Variants in ASAP1 observed in about 807,000 individuals in gnomAD.
ASAP1 encodes the protein ArfGAP with SH3 domain, ankyrin repeat and PH domain 1.
ASAP1 carries 43 observed loss-of-function variants against 145.2 expected under a neutral mutation model. The ratio of observed to expected loss-of-function variants is 0.30; its 90% CI spans 0.23 to 0.38. The LOEUF (loss-of-function observed/expected upper bound fraction) is 0.38. ASAP1 is among the 10% of genes least tolerant of loss of function. ASAP1 has a pLI of 1.00. For missense variants in ASAP1, 1,018 were observed against 1,355.3 expected (o/e 0.75, Z 3.91); for synonymous variants, 546 against 515.5 (o/e 1.06, Z -0.80).
intron 3 of ASAP1, among the ~76,000 whole-genome samples, chr8:130,293,902 G>A (rs985794073): frequency 6.6e-6 from 1 of 152,202 alleles, no homozygotes; most frequent in Non-Finnish European, 1.5e-5. Context: ...CCTGGCTGCT[G>A]AGGGAGCAAC....
intron 3 of ASAP1, among the ~76,000 whole-genome samples, chr8:130,352,419 G>C (rs1826055848): frequency 6.6e-6 from 1 of 152,140 alleles, no homozygotes; most frequent in Non-Finnish European, 1.5e-5. Flanking sequence ...CTATGCGTAA[G>C]ATTTCACAGA....
intron 4 of ASAP1, among the ~76,000 whole-genome samples, chr8:130,217,298 T>C (rs1816987699): frequency 6.6e-6 from 1 of 152,154 alleles, no homozygotes; most frequent in Non-Finnish European, 1.5e-5. Context: ...ATCAAAGTCA[T>C]ATCTTTTTTT....
chr8:130,076,988 T>C (rs560592119), intron 26 of ASAP1, among the ~76,000 whole-genome samples: 13 of 152,192 alleles, frequency 8.5e-5, no homozygotes, highest in Non-Finnish European at 1.8e-4. Flanking sequence ...GTGACCCCAA[T>C]GTAGTGCACA....
intron 2 of ASAP1, among the ~76,000 whole-genome samples, chr8:130,386,036 G>A (rs763136155): frequency 5.8e-4 from 88 of 152,248 alleles, no homozygotes; most frequent in South Asian, 1.2e-3. Flanking sequence ...TAGACCAACG[G>A]GAATCAATCC....
At chr8:130,166,314 C>A (rs1041701341) in intron 11 of ASAP1, among the ~76,000 whole-genome samples, 1 of 152,160 alleles carries the variant, frequency 6.6e-6, no homozygotes, top group Non-Finnish European at 1.5e-5. Flanking sequence ...TAAATTTAAC[C>A]CATAATTTCA....
chr8:130,238,825 A>T (rs975812556), intron 3 of ASAP1, among the ~76,000 whole-genome samples: 2 of 152,002 alleles, frequency 1.3e-5, no homozygotes, highest in African/African-American at 4.8e-5. Flanking sequence ...ATATCTACCA[A>T]ATCCCAAAGT....
intron 2 of ASAP1, among the ~76,000 whole-genome samples, chr8:130,397,688 A>AGCTT (rs1325091338): frequency 1.3e-5 from 2 of 152,214 alleles, no homozygotes; most frequent in Non-Finnish European, 2.9e-5. Flanking sequence ...TCCTGTGGTC[A>AGCTT]GCTTACCCAC....
At chr8:130,341,340 T>A (rs1229789888) in intron 3 of ASAP1, among the ~76,000 whole-genome samples, 1 of 152,106 alleles carries the variant, frequency 6.6e-6, no homozygotes, top group Non-Finnish European at 1.5e-5. Flanking sequence ...TCTAAGCGCT[T>A]GAGTTGACTT....
intron 2 of ASAP1, among the ~76,000 whole-genome samples, chr8:130,383,375 T>C (rs1006146878): frequency 6.6e-6 from 1 of 151,726 alleles, no homozygotes; most frequent in African/African-American, 2.4e-5. Context: ...AAGCCAGGAG[T>C]CTGTAAGCAC....
At chr8:130,153,335 A>ATATATATATATATATATATATACG (rs2097650833) in intron 12 of ASAP1, among the ~76,000 whole-genome samples, 4 of 65,340 alleles carry the variant, frequency 6.1e-5, no homozygotes, top group African/African-American at 2.7e-4. Flanking sequence ...CTTTTTAAAT[A>ATATATATATATATATATATATACG]TATATATATA....
intron 9 of ASAP1, among the ~76,000 whole-genome samples, chr8:130,176,777 G>A (rs367605331): frequency 2.0e-4 from 30 of 150,774 alleles, no homozygotes; most frequent in African/African-American, 7.1e-4. Context: ...TGCAACCTCT[G>A]CCTCCTGGAT....
chr8:130,200,352 G>A (rs773933041), intron 5 of ASAP1, among the ~76,000 whole-genome samples: 13 of 152,090 alleles, frequency 8.5e-5, no homozygotes, highest in Non-Finnish European at 1.5e-4. Context: ...ACCCCTCTTC[G>A]GAGACTGCCA....
chr8:130,105,025 C>T (rs764203750), intron 24 of ASAP1, among the ~76,000 whole-genome samples: 2 of 152,152 alleles, frequency 1.3e-5, no homozygotes, highest in Non-Finnish European at 2.9e-5. Context: ...GATTTTATCA[C>T]TTTCTAATAG....
Position 130,262,419 on chromosome 8 carries a change from AGAGAGAGAGAGAGAGAGAG to A in ASAP1, c.187-25444_187-25426del, listed in dbSNP as rs1819981621. On this transcript the variant is annotated intron_variant, in intron 3 of 29. Transcript: ENST00000518721. ...AAAAAAAAAAAAAAAAAAAAAAAAG[AGAGAGAGAGAGAGAGAGAG>A]AGAGAGAGAGAGAGAGAGAACCTGT... Among the ~76,000 whole-genome samples the A allele has an allele frequency of 1.1e-3, 32 of 29,538 alleles. No homozygotes were observed. The South Asian group carries it at 0.014, about 13-fold the overall frequency. The allele number at this position is 29,538 out of a possible 152,430, so 19.4% of individuals were successfully genotyped here. A position where few individuals can be genotyped will look rare whatever the true frequency, so the allele number is the denominator to read the frequency against.
intron 1 of ASAP1, among the ~76,000 whole-genome samples, chr8:130,442,400 G>A (rs913482636): frequency 9.9e-5 from 15 of 152,142 alleles, no homozygotes; most frequent in African/African-American, 3.6e-4. Flanking sequence ...TGTTCACTGG[G>A]TGTTTCCAGA....
At chr8:130,212,412 T>A (rs1232285558) in intron 5 of ASAP1, among the ~76,000 whole-genome samples, 1 of 152,154 alleles carries the variant, frequency 6.6e-6, no homozygotes, top group African/African-American at 2.4e-5. Flanking sequence ...AGTAGCTTGA[T>A]CAGTACTTCT....
chr8:130,442,885 G>A (rs965004780), intron 1 of ASAP1, among the ~76,000 whole-genome samples: 14 of 152,120 alleles, frequency 9.2e-5, no homozygotes, highest in African/African-American at 3.4e-4. Flanking sequence ...GAAAACACAA[G>A]CCACTTCACG....
At chr8:130,305,130 C>T (rs1033644563) in intron 3 of ASAP1, among the ~76,000 whole-genome samples, 4 of 152,208 alleles carry the variant, frequency 2.6e-5, no homozygotes, top group Non-Finnish European at 4.4e-5. Context: ...GAAGTCTCCC[C>T]TCCTGCTACC....
At chr8:130,171,373 C>T (rs1043190183) in intron 9 of ASAP1, among the ~76,000 whole-genome samples, 9 of 152,150 alleles carry the variant, frequency 5.9e-5, no homozygotes, top group African/African-American at 2.2e-4. Context: ...TTCCACATGG[C>T]TAGGGAGACC....
Sources: allele counts gnomAD v4.1 joint callset (sites outside exome capture counted in the v4.1 genomes callset), GRCh38; gene constraint gnomAD v4.1.1; transcripts MANE v1.5; gene names NCBI Gene and HGNC (gene_info 2026-07-23, HGNC 2026-07-21).